Variants in TCHP observed in about 807,000 individuals in gnomAD.
TCHP encodes trichoplein keratin filament-binding protein.
A neutral mutation model predicts 88.7 loss-of-function variants in TCHP; 81 were observed. That is an observed-to-expected ratio of 0.91 (90% confidence interval 0.76 to 1.10). The LOEUF is 1.10. Among genes scored for constraint, TCHP ranks in the 50% least tolerant of loss-of-function variants. TCHP has a pLI of 0.00. For synonymous variants in TCHP, 232 were observed against 232.5 expected (o/e 1.00, Z 0.02); for missense variants, 641 against 632.1 (o/e 1.01, Z -0.15).
the TCHP span, among the ~76,000 whole-genome samples, chr12:109,882,463 G>A: frequency 6.6e-6 from 1 of 150,720 alleles, no homozygotes; most frequent in South Asian, 2.1e-4. Context: ...GGGGTGTGAG[G>A]CACATGAGCA....
intron 1 of TCHP, among the ~76,000 whole-genome samples, chr12:109,902,315 C>T (rs939274624): frequency 6.6e-6 from 1 of 152,002 alleles, no homozygotes; most frequent in Non-Finnish European, 1.5e-5. Context: ...GGACTACAGG[C>T]GCACCACCAC....
At position 109,903,994 on chromosome 12, in the gene TCHP, C is replaced by T; in HGVS notation, c.246C>T (p.Ala82=). 1.2e-6 allele frequency: 2 copies of T among 1,611,360 alleles called. No homozygotes were observed. The highest frequency in any genetic ancestry group is 8.5e-7 in the Non-Finnish European group (1 of 1,178,954). Residue 82 remains alanine, a synonymous_variant, in exon 3 of 13, where the codon GCC becomes GCT. Transcript: ENST00000405876. The surrounding 1 kb of genome is among the most constrained non-coding windows in gnomAD (Gnocchi z 4.6). ...AGGAGAAGAGGAGGAGTCTGGAGGC[C>T]CGACGGGAAAAGCTCAGGCAGCTCA... ...MKEEKRRSLE[A]RREKLRQLMQ...
rs1190583931 is a variant in TCHP at position 109,903,101 on chromosome 12, G to A, written c.75G>A (p.Glu25=). 1 of 1,614,082 alleles carries A rather than the reference G, an allele frequency of 6.2e-7. No individual in the cohort carries two copies. Among genetic ancestry groups the A allele is most frequent in the Non-Finnish European group, 8.5e-7 (1 of 1,179,964 alleles). Residue 25 remains glutamate, a synonymous_variant, in exon 2 of 13, where the codon GAG becomes GAA. Transcript: ENST00000405876. This position sits in a 1 kb window ranked among gnomAD's most constrained non-coding sequence, Gnocchi z 4.6. ...RLNQQLARQR[E]QEARLRQQWE... ...ATCAGCAGCTAGCACGACAGCGAGA[G>A]CAGGAGGCCCGGCTTCGGCAGCAGT...
At chr12:109,901,986 T>G (rs188298891) in intron 1 of TCHP, among the ~76,000 whole-genome samples, 97 of 152,302 alleles carry the variant, frequency 6.4e-4, no homozygotes, top group Admixed American at 2.0e-3. Context: ...ATTGTAAGAA[T>G]GAAAAAAAGT....
the TCHP span, among the ~76,000 whole-genome samples, chr12:109,889,709 C>T: frequency 1.3e-5 from 2 of 152,206 alleles, no homozygotes; most frequent in African/African-American, 4.8e-5. Context: ...TGCATGCTGG[C>T]AGGCAGGCAG....
chr12:109,911,611 C>CAAAAAAAAA (rs1209414114), intron 9 of TCHP, among the ~76,000 whole-genome samples: 4 of 45,510 alleles, frequency 8.8e-5, no homozygotes, highest in Admixed American at 2.3e-4. Flanking sequence ...GACTCTGTCT[C>CAAAAAAAAA]AAAAAAAAAA....
rs1394596911 is a variant in TCHP, at chr12:109,915,516, G to A, written c.1434G>A (p.Glu478=). The A allele has an allele frequency of 1.2e-6, 2 of 1,614,036 alleles. No homozygotes were observed. Among genetic ancestry groups the A allele is most frequent in the Non-Finnish European group, 1.7e-6 (2 of 1,179,984 alleles). ...ATGCCCTGCTGCAGCAGGAGGCGGA[G>A]ACTATGGCTGAGCAGGGCTACCGGC... ...LSDALLQQEA[E]TMAEQGYRPK... The change falls in exon 12 of 13, where the codon GAG becomes GAA. Residue 478 remains glutamate, a synonymous_variant. Transcript: ENST00000405876.
chr12:109,902,172 T>C (rs1306125529), intron 1 of TCHP, among the ~76,000 whole-genome samples: 1 of 152,062 alleles, frequency 6.6e-6, no homozygotes, highest in Non-Finnish European at 1.5e-5. Context: ...GTCCAGAATT[T>C]TTTATGTTTT....
rs1352563145 is a variant in TCHP, at chr12:109,903,670, A to G, written c.189-267A>G. On this transcript the variant is annotated intron_variant, in intron 2 of 12. Transcript: ENST00000405876. This position sits in a 1 kb window ranked among gnomAD's most constrained non-coding sequence, Gnocchi z 4.6. ...TGAGCTTTGGTTTCCTCATCAATCA[A>G]GTGGGGCTACAGCAGACCTATGCTG... Among the ~76,000 whole-genome samples the G allele has an allele frequency of 1.3e-5, 2 of 152,228 alleles. No individual in the cohort carries two copies. The highest frequency in any genetic ancestry group is 4.8e-5 in the African/African-American group (2 of 41,450).
intron 12 of TCHP, among the ~76,000 whole-genome samples, chr12:109,915,792 C>G (rs1440570436): frequency 6.6e-6 from 1 of 152,230 alleles, no homozygotes; most frequent in Admixed American, 6.5e-5. Context: ...GCCTACTAAG[C>G]TGCATGCCTG....
chr12:109,915,552 A>G lies in TCHP; in HGVS notation c.1464+6A>G. 1 of 1,609,186 alleles carries G rather than the reference A, an allele frequency of 6.2e-7. No homozygotes were observed. ...AGCAGGGCTACCGGCCTAAGGTAGG[A>G]AGTCTGCCAGGATATAGGCCAACAC... On this transcript the variant is annotated splice_donor_region_variant and intron_variant, in intron 12 of 12. Transcript: ENST00000405876.
chr12:109,889,290 G>A, the TCHP span, among the ~76,000 whole-genome samples: 6 of 152,094 alleles, frequency 3.9e-5, no homozygotes, highest in African/African-American at 1.4e-4. Context: ...TGGCTAACAC[G>A]GTGAAACCCC....
At chr12:109,881,837 C>T in the TCHP span, among the ~76,000 whole-genome samples, 1 of 152,190 alleles carries the variant, frequency 6.6e-6, no homozygotes, top group Admixed American at 6.5e-5. Flanking sequence ...CAATGCCCAG[C>T]TTATGCAAAA....
chr12:109,908,468 C>T (rs1016744460), intron 6 of TCHP, 118 bp from the exon 7 acceptor site: 5 of 800,180 alleles, frequency 6.2e-6, no homozygotes, highest in Non-Finnish European at 1.0e-5. Context: ...TCGTGACCAC[C>T]TGCATGGCCA....
chr12:109,885,882 A>G, the TCHP span, among the ~76,000 whole-genome samples: 32 of 151,984 alleles, frequency 2.1e-4, no homozygotes, highest in East Asian at 1.2e-3. Context: ...AGCTCAAGAA[A>G]TCTTCCCACC....
the TCHP span, among the ~76,000 whole-genome samples, chr12:109,883,330 C>G: frequency 2.0e-5 from 3 of 152,190 alleles, no homozygotes; most frequent in Non-Finnish European, 4.4e-5. Context: ...ACCACTGTGC[C>G]CAGCCTGAAT....
chr12:109,892,788 T>C, the TCHP span, among the ~76,000 whole-genome samples: 1 of 152,148 alleles, frequency 6.6e-6, no homozygotes, highest in Non-Finnish European at 1.5e-5. Flanking sequence ...TAAGCCTCAG[T>C]GGGGTTACTC....
At position 109,904,086 on chromosome 12, in the gene TCHP, AAAG is replaced by A; in HGVS notation, c.344_346del (p.Arg115del). On this transcript the variant is annotated inframe_deletion, in exon 3 of 13. Transcript: ENST00000405876. ...CTGAGGCTGAGCATGAACTTGCAGG[AAAG>A]AAGAATCCGGGAGCAGCACGGGAAG... 1 of 1,598,798 alleles carries A rather than the reference AAAG, an allele frequency of 6.3e-7. No individual in the cohort carries two copies. The highest frequency in any genetic ancestry group is 8.5e-7 in the Non-Finnish European group (1 of 1,172,584).
intron 8 of TCHP, among the ~76,000 whole-genome samples, chr12:109,909,761 T>C (rs1870378225): frequency 6.6e-6 from 1 of 152,104 alleles, no homozygotes; most frequent in African/African-American, 2.4e-5. Flanking sequence ...GGTCAGGAGT[T>C]TGAGACCAGC....
Sources: allele counts gnomAD v4.1 joint callset (sites outside exome capture counted in the v4.1 genomes callset), GRCh38; gene constraint gnomAD v4.1.1; non-coding constraint Gnocchi (gnomAD v3.1); transcripts MANE v1.5; gene names NCBI Gene and HGNC (gene_info 2026-07-23, HGNC 2026-07-21).